PLEKHH2: variants seen among roughly 807,000 people sequenced by gnomAD.
The protein encoded by PLEKHH2 is pleckstrin homology, MyTH4 and FERM domain containing H2, also known as pleckstrin homology domain-containing family H member 2.
PLEKHH2 carries 129 observed loss-of-function variants against 187.9 expected under a neutral mutation model. The ratio of observed to expected loss-of-function variants is 0.69; its 90% CI spans 0.59 to 0.79. The LOEUF (loss-of-function observed/expected upper bound fraction) is 0.79. PLEKHH2 is among the 30% of genes least tolerant of loss of function. PLEKHH2 has a pLI of 0.00. For synonymous variants in PLEKHH2, 686 were observed against 605.6 expected (o/e 1.13, Z -1.95); for missense variants, 2,076 against 1,751.2 (o/e 1.19, Z -3.31).
chr2:43,758,408 A>G (rs1007456821), intron 26 of PLEKHH2, among the ~76,000 whole-genome samples: 3 of 151,924 alleles, frequency 2.0e-5, no homozygotes, highest in Non-Finnish European at 4.4e-5. Flanking sequence ...ACCCGCCATC[A>G]TGCCTGGCTT....
intron 1 of PLEKHH2, among the ~76,000 whole-genome samples, chr2:43,640,586 T>G (rs2104313614): frequency 6.6e-6 from 1 of 152,306 alleles, no homozygotes; most frequent in Admixed American, 6.5e-5. Context: ...CCCATTTCTC[T>G]ACATCCTCAC....
chr2:43,692,806 A>T, intron 4 of PLEKHH2, 143 bp downstream of exon 4: 1 of 923,076 alleles, frequency 1.1e-6, no homozygotes, highest in Non-Finnish European at 1.6e-6. Flanking sequence ...CATCACATTT[A>T]TTGGTGAAAG....
intron 3 of PLEKHH2, chr2:43,681,628 C>T: frequency 1.5e-6 from 1 of 673,580 alleles, no homozygotes; most frequent in South Asian, 1.7e-5. Context: ...ACACAATATG[C>T]ATTTTTGTTC....
chr2:43,684,543 G>A (rs542224984), intron 3 of PLEKHH2, among the ~76,000 whole-genome samples: 2 of 145,716 alleles, frequency 1.4e-5, no homozygotes, highest in East Asian at 2.2e-4. Context: ...GCCCCCCACC[G>A]ACCCCTGCCC....
In PLEKHH2 at chr2:43,692,499, A is replaced by T. The variant is rs1195339698; in HGVS notation, c.187-15A>T. Reference sequence around the variant, plus strand: ...AGTACACACACAATTTTAATATTTTATCCTTTGAATTTAGGTACAAGTTAT... The same window carrying T: ...AGTACACACACAATTTTAATATTTTTTCCTTTGAATTTAGGTACAAGTTAT... On this transcript the variant is annotated splice_polypyrimidine_tract_variant and intron_variant, in intron 3 of 29. Coordinates refer to ENST00000282406, the MANE Select transcript of PLEKHH2 (RefSeq NM_172069.4). 1 of 1,542,686 alleles carries T rather than the reference A, an allele frequency of 6.5e-7. No homozygotes were observed.
At chr2:43,706,520 C>CGA in intron 10 of PLEKHH2, 104 bp downstream of exon 10, 1 of 819,616 alleles carries the variant, frequency 1.2e-6, no homozygotes, top group Non-Finnish European at 1.9e-6. Flanking sequence ...TTTACACAGG[C>CGA]TCTCCCTTTA....
At chr2:43,722,203 C>G (rs1032329822) in intron 16 of PLEKHH2, among the ~76,000 whole-genome samples, 1 of 149,412 alleles carries the variant, frequency 6.7e-6, no homozygotes, top group Non-Finnish European at 1.5e-5. Flanking sequence ...CTGCAGTGAG[C>G]TGTGATCATA....
In PLEKHH2 at chr2:43,681,527, G is replaced by A. The variant is rs558174859; in HGVS notation, c.186+2602G>A. ...TATCTTTGTGCAGCTGGCCAGAAAT[G>A]TGCTTTGCGTATGCAGAAAGACTCA... On this transcript the variant is annotated intron_variant, in intron 3 of 29. Coordinates refer to ENST00000282406, the MANE Select transcript of PLEKHH2 (RefSeq NM_172069.4). The A allele has an allele frequency of 4.0e-6, 6 of 1,500,370 alleles. No individual in the cohort carries two copies. In the Admixed American group the frequency reaches 5.9e-5, roughly 15 times the overall value. 92.9% of individuals were successfully genotyped at this position (1,500,370 alleles called of 1,614,324 possible).
rs187879996 is a variant in PLEKHH2 at position 43,648,467 on chromosome 2, G to A, written c.123+3671G>A. Among the ~76,000 whole-genome samples the A allele has an allele frequency of 3.2e-4, 48 of 152,036 alleles. No homozygotes were observed. In the East Asian group the frequency reaches 4.8e-3, roughly 15 times the overall value. ...CTCCCAAAGTGCTGGGATTACAGGC[G>A]TGAGCTGCTGTGCCCAGCTTTTTTT... On this transcript the variant is annotated intron_variant, in intron 2 of 29. Coordinates refer to ENST00000282406, the MANE Select transcript of PLEKHH2 (RefSeq NM_172069.4).
intron 25 of PLEKHH2, among the ~76,000 whole-genome samples, chr2:43,754,066 T>G (rs1442009235): frequency 7.0e-6 from 1 of 142,768 alleles, no homozygotes; most frequent in Non-Finnish European, 1.6e-5. Context: ...GATGTCATGC[T>G]GAAATCGCTT....
intron 20 of PLEKHH2, among the ~76,000 whole-genome samples, chr2:43,739,107 C>T (rs952713429): frequency 6.6e-6 from 1 of 152,116 alleles, no homozygotes; most frequent in Admixed American, 6.6e-5. Flanking sequence ...GTCAGGCTGG[C>T]CTCGAACTCC....
intron 15 of PLEKHH2, among the ~76,000 whole-genome samples, chr2:43,719,339 A>G (rs1189327593): frequency 6.6e-6 from 1 of 152,182 alleles, no homozygotes; most frequent in Non-Finnish European, 1.5e-5. Context: ...ACATTATTTT[A>G]TTACTTTGTA....
chr2:43,735,434 G>A lies in PLEKHH2; in HGVS notation c.2944-2907G>A, dbSNP rs139533234. ...GTTACCAGAGGCTGGGTAGTAGGGGGTGGAGGGATGAAAGGAGGTTGGTTA... is the reference window on the plus strand; with the variant it reads ...GTTACCAGAGGCTGGGTAGTAGGGGATGGAGGGATGAAAGGAGGTTGGTTA... On this transcript the variant is annotated intron_variant, in intron 19 of 29. Coordinates refer to ENST00000282406, the MANE Select transcript of PLEKHH2 (RefSeq NM_172069.4). Among the ~76,000 whole-genome samples the A allele has an allele frequency of 6.9e-3, 1,047 of 152,274 alleles. 14 individuals carry two copies. Among genetic ancestry groups the A allele is most frequent in the South Asian group, 0.048 (231 of 4,822 alleles).
intron 23 of PLEKHH2, among the ~76,000 whole-genome samples, chr2:43,744,725 A>G (rs1002796112): frequency 6.6e-6 from 1 of 151,844 alleles, no homozygotes; most frequent in African/African-American, 2.4e-5. Flanking sequence ...AAAATTAGCC[A>G]GGCATGGTGC....
Position 43,765,532 on chromosome 2 carries a change from C to T in PLEKHH2, c.4416C>T (p.Ala1472=), listed in dbSNP as rs1234669361. The change falls in exon 30 of 30, where the codon GCC becomes GCT. Residue 1472 remains alanine (A), a synonymous_variant. Coordinates refer to ENST00000282406, the MANE Select transcript of PLEKHH2 (RefSeq NM_172069.4). ...LLSAQTRGPQ[A]RMMGSQPLLS... ...CAGCCCAGACCCGGGGACCCCAAGC[C>T]AGAATGATGGGAAGCCAGCCTCTTC... The T allele has an allele frequency of 6.2e-7, 1 of 1,614,046 alleles. No individual in the cohort carries two copies. Among genetic ancestry groups the T allele is most frequent in the Admixed American group, 1.7e-5 (1 of 60,014 alleles).
At position 43,710,583 on chromosome 2, in the gene PLEKHH2, A is replaced by ATTTTTTTTTTTT; in HGVS notation, c.2301+8_2301+9insTTTTTTTTTTTT. 7.1e-7 allele frequency: 1 copy of ATTTTTTTTTTTT among 1,411,172 alleles called. No individual in the cohort carries two copies. The highest frequency in any genetic ancestry group is 9.3e-7 in the Non-Finnish European group (1 of 1,077,896). 87.4% of individuals were successfully genotyped at this position (1,411,172 alleles called of 1,614,324 possible). ...AACAAACAAACAGTTCAGGTACTTA[A>ATTTTTTTTTTTT]CTTTTTTTTTTTTTTTTTTTTTTTT... On this transcript the variant is annotated intron_variant, in intron 14 of 29. Coordinates refer to ENST00000282406, the MANE Select transcript of PLEKHH2 (RefSeq NM_172069.4).
At chr2:43,730,196 C>A (rs1353002603) in intron 18 of PLEKHH2, among the ~76,000 whole-genome samples, 1 of 152,192 alleles carries the variant, frequency 6.6e-6, no homozygotes, top group Non-Finnish European at 1.5e-5. Flanking sequence ...CCTGTGGCCC[C>A]AGATGGCTTT....
chr2:43,757,003 C>A, intron 25 of PLEKHH2, 116 bp from the exon 26 acceptor site: 3 of 659,254 alleles, frequency 4.6e-6, no homozygotes, highest in Non-Finnish European at 6.9e-6. Flanking sequence ...ATAATCATGA[C>A]AAATAGATTT....
At chr2:43,666,131 G>T (rs528603871) in intron 2 of PLEKHH2, among the ~76,000 whole-genome samples, 1 of 149,634 alleles carries the variant, frequency 6.7e-6, no homozygotes, top group African/African-American at 2.5e-5. Context: ...GCGAGATTCC[G>T]TGGGCGTAGG....
Sources: gnomAD v4.1 joint callset for allele counts (sites outside exome capture counted in the v4.1 genomes callset) on GRCh38, gnomAD v4.1.1 for gene constraint, MANE v1.5 for transcripts, NCBI Gene and HGNC (gene_info 2026-07-23, HGNC 2026-07-21) for gene names.